Variants in IL3RA observed in about 807,000 individuals in gnomAD.
IL3RA encodes the protein interleukin 3 receptor subunit alpha.
IL3RA carries 73 observed loss-of-function variants against 52.3 expected under a neutral mutation model. That is an observed-to-expected ratio of 1.40 (90% confidence interval 1.16 to 1.70). The LOEUF (loss-of-function observed/expected upper bound fraction) is 1.70, where lower values mean the gene tolerates loss of function less well. Among genes scored for constraint, IL3RA ranks in the 40% most tolerant of loss-of-function variants. The pLI is 0.00. For missense variants in IL3RA, 664 were observed against 504.4 expected (o/e 1.32, Z -3.03); for synonymous variants, 260 against 194.0 (o/e 1.34, Z -2.83).
Position 1,356,433 on chromosome X carries a change from C to CTCTGATAACGTCACAGAAGGCATGGA in IL3RA, c.732+100_732+125dup. The stretch of plus-strand genomic sequence containing the variant: ...GGGCCTTGAAACGGGCAACAATCTC[C>CTCTGATAACGTCACAGAAGGCATGGA]TCTGATAACGTCACAGAAGGCATGG... On this transcript the variant is annotated intron_variant, in intron 7 of 11. Transcript: ENST00000331035. 10 of 710,266 alleles carry CTCTGATAACGTCACAGAAGGCATGGA rather than the reference C, an allele frequency of 1.4e-5. 1 individual carries two copies. In the South Asian group the frequency reaches 1.5e-4, roughly 11 times the overall value. 44.0% of individuals were successfully genotyped at this position (710,266 alleles called of 1,614,324 possible).
intron 1 of IL3RA, among the ~76,000 whole-genome samples, chrX:1,340,707 C>T (rs7063305): frequency 0.84 from 127,312 of 152,118 alleles, 54,370 homozygotes; most frequent in Non-Finnish European, 0.93. Flanking sequence ...CAAACACAGC[C>T]GGGCACGGTG....
At chrX:1,346,434 C>T (rs1316757720) in intron 3 of IL3RA, among the ~76,000 whole-genome samples, 1 of 149,070 alleles carries the variant, frequency 6.7e-6, no homozygotes, top group Non-Finnish European at 1.5e-5. Context: ...AGCAAGACTT[C>T]ATGTCAAAAA....
chrX:1,346,407 C>G (rs188520924), intron 3 of IL3RA, among the ~76,000 whole-genome samples: 1 of 151,872 alleles, frequency 6.6e-6, no homozygotes, highest in African/African-American at 2.4e-5. Flanking sequence ...CCACTGCACT[C>G]CAGCCTGGGG....
intron 2 of IL3RA, among the ~76,000 whole-genome samples, chrX:1,343,500 A>G (rs2085575823): frequency 8.3e-6 from 1 of 120,544 alleles, no homozygotes; most frequent in South Asian, 2.2e-4. Flanking sequence ...CCCCGTCTGT[A>G]CTAAAAATAC....
chrX:1,365,170 T>C lies in IL3RA; in HGVS notation c.792T>C (p.Asn264=), dbSNP rs1322536650. ...ACAGAACCTCCTTCCAGCTACTCAA[T>C]CCTGGAACGTACACAGTACAAATAA... The part of the protein sequence containing the change: ...VRDRTSFQLL[N]PGTYTVQIRA... Residue 264 remains asparagine (N), a synonymous_variant, in exon 9 of 12, where the codon AAT becomes AAC. Transcript: ENST00000331035. The C allele has an allele frequency of 6.2e-7, 1 of 1,610,746 alleles. No homozygotes were observed. Among genetic ancestry groups the C allele is most frequent in the Non-Finnish European group, 8.5e-7 (1 of 1,178,498 alleles).
chrX:1,338,063 G>A (rs1407495799), intron 1 of IL3RA, among the ~76,000 whole-genome samples: 4 of 149,812 alleles, frequency 2.7e-5, no homozygotes, highest in Admixed American at 1.3e-4. Flanking sequence ...ATACAGCCAT[G>A]AAAAGGAACA....
chrX:1,339,529 C>G (rs1343648567), intron 1 of IL3RA, among the ~76,000 whole-genome samples: 1 of 152,182 alleles, frequency 6.6e-6, no homozygotes, highest in South Asian at 2.1e-4. Flanking sequence ...CGCGGTGGCT[C>G]ACGCCTGTCA....
chrX:1,356,391 T>C, intron 7 of IL3RA, 55 bp downstream of exon 7: 1 of 1,132,910 alleles, frequency 8.8e-7, no homozygotes, highest in South Asian at 1.3e-5. Flanking sequence ...CCCTTATTTT[T>C]GGTAAGTCGC....
At chrX:1,348,580 T>C (rs1569520638) in intron 4 of IL3RA, 35 bp downstream of exon 4, 3 of 1,481,676 alleles carry the variant, frequency 2.0e-6, no homozygotes, top group Non-Finnish European at 2.8e-6. Context: ...TTATTCTCTA[T>C]TCCCTCCCTC....
intron 8 of IL3RA, among the ~76,000 whole-genome samples, chrX:1,362,601 C>T (rs2087538121): frequency 6.6e-6 from 1 of 152,012 alleles, no homozygotes; most frequent in Non-Finnish European, 1.5e-5. Context: ...CTCTCCCTGT[C>T]TGTTTCTATC....
At position 1,348,441 on chromosome X, in the gene IL3RA, A is replaced by G; in HGVS notation, c.194A>G (p.Asn65Ser). The part of the protein sequence containing the change: ...DADYSMPAVN[N>S]SYCQFGAISL... The stretch of plus-strand genomic sequence containing the variant: ...CTATGTCTCTCTTAGGCAGTGAACA[A>G]TAGCTATTGCCAGTTTGGAGCAATT... Residue 65 changes from asparagine (N) to serine (S), a missense_variant, in exon 4 of 12, where the codon AAT (asparagine) becomes AGT (serine). Transcript: ENST00000331035. 6.2e-7 allele frequency: 1 copy of G among 1,613,246 alleles called. No homozygotes were observed. Among genetic ancestry groups the G allele is most frequent in the Non-Finnish European group, 8.5e-7 (1 of 1,179,226 alleles).
In IL3RA at chrX:1,365,227, C is replaced by T. The variant is rs746729235; in HGVS notation, c.849C>T (p.Ser283=). 5 of 1,609,788 alleles carry T rather than the reference C, an allele frequency of 3.1e-6. No homozygotes were observed. Among genetic ancestry groups the T allele is most frequent in the Admixed American group, 1.7e-5 (1 of 59,938 alleles). Residue 283 remains serine, a synonymous_variant, in exon 9 of 12, where the codon AGC becomes AGT. Transcript: ENST00000331035. ...RARERVYEFL[S]AWSTPQRFEC... ...GGGAAAGAGTGTATGAATTCTTGAG[C>T]GCCTGGAGCACCCCCCAGCGCTTCG...
chrX:1,351,695 C>A (rs2086092051), intron 4 of IL3RA, among the ~76,000 whole-genome samples: 1 of 150,308 alleles, frequency 6.7e-6, no homozygotes, highest in Non-Finnish European at 1.5e-5. Context: ...GTGGCGTGAT[C>A]TCAGCTCCAT....
chrX:1,345,260 A>G (rs2085689826), intron 2 of IL3RA, 56 bp from the exon 3 acceptor site: 4 of 1,200,928 alleles, frequency 3.3e-6, no homozygotes, highest in Admixed American at 2.0e-5. Context: ...ACCCCTTACA[A>G]TGCCGTTTTA....
intron 6 of IL3RA, among the ~76,000 whole-genome samples, chrX:1,354,037 C>G (rs1162661470): frequency 1.4e-5 from 2 of 142,920 alleles, no homozygotes; most frequent in Admixed American, 1.4e-4. Context: ...TCATGGGTCT[C>G]ATCATGGGCC....
intron 9 of IL3RA, among the ~76,000 whole-genome samples, chrX:1,367,707 C>CGCGGGGTAA (rs2088239281): frequency 1.0e-5 from 1 of 100,006 alleles, no homozygotes; most frequent in Non-Finnish European, 1.9e-5. Context: ...GAGCCGGGTG[C>CGCGGGGTAA]GCGGGGTGAG....
chrX:1,338,928 T>C lies in IL3RA; in HGVS notation c.-39+2002T>C, dbSNP rs758106655. Among the ~76,000 whole-genome samples, 38 of 152,168 alleles carry C rather than the reference T, an allele frequency of 2.5e-4. No individual in the cohort carries two copies. In the South Asian group the frequency reaches 7.9e-3, roughly 32 times the overall value. ...AATTCTCCTGCCTCAGCCTCCTGAG[T>C]AGCTGGGACTACAGGCACCCGCAAC... On this transcript the variant is annotated intron_variant, in intron 1 of 11. Coordinates refer to ENST00000331035, the MANE Select transcript of IL3RA (RefSeq NM_002183.4).
rs754224237 is a variant in IL3RA, at chrX:1,361,731, T to C, written c.759+2844T>C. On this transcript the variant is annotated intron_variant, in intron 8 of 11. Transcript: ENST00000331035. Reference sequence around the variant, plus strand: ...TCGCGCCACTGCACTCCAGCCTGGGTGACAGAGTGAGACTCCGTCTCGAGA... The same window carrying C: ...TCGCGCCACTGCACTCCAGCCTGGGCGACAGAGTGAGACTCCGTCTCGAGA... 1.1e-3 allele frequency among the ~76,000 whole-genome samples: 137 copies of C among 123,124 alleles called. 2 individuals carry two copies. The highest frequency in any genetic ancestry group is 0.01 in the Middle Eastern group (2 of 192). 80.8% of individuals were successfully genotyped at this position (123,124 alleles called of 152,430 possible).
Position 1,382,490 on chromosome X carries a change from G to T in IL3RA, c.*25G>T, listed in dbSNP as rs752548337. ...AGACTGGGGTTCAGGGCTTGTGGGG[G>T]TCTGCCTCAATCTCCCTGGCCGGGC... On this transcript the variant is annotated 3_prime_UTR_variant, in exon 12 of 12. Coordinates refer to ENST00000331035, the MANE Select transcript of IL3RA (RefSeq NM_002183.4). The T allele has an allele frequency of 1.2e-6, 2 of 1,609,586 alleles. No individual in the cohort carries two copies. Among genetic ancestry groups the T allele is most frequent in the South Asian group, 2.2e-5 (2 of 91,014 alleles).
Sources: allele counts gnomAD v4.1 joint callset (sites outside exome capture counted in the v4.1 genomes callset), GRCh38; gene constraint gnomAD v4.1.1; transcripts MANE v1.5; gene names NCBI Gene and HGNC (gene_info 2026-07-23, HGNC 2026-07-21).